Variants in LHFPL3 observed in about 807,000 individuals in gnomAD.
LHFPL3 encodes the protein LHFPL tetraspan subfamily member 3.
A neutral mutation model predicts 19.3 loss-of-function variants in LHFPL3; 5 were observed. That is an observed-to-expected ratio of 0.26 (90% CI 0.14 to 0.54). LHFPL3 has a LOEUF of 0.54. LHFPL3 is among the 20% of genes least tolerant of loss of function. The probability of loss-of-function intolerance (pLI) is 0.94; values close to 1 mark genes in which losing one functional copy is unlikely to be tolerated. For missense variants in LHFPL3, 249 were observed against 307.4 expected, an observed-to-expected ratio of 0.81 and a Z score of 1.42; for synonymous variants, 133 against 126.2, an observed-to-expected ratio of 1.05 and a Z score of -0.36.
chr7:104,412,500 A>C (rs1471311449), intron 1 of LHFPL3, among the ~76,000 whole-genome samples: 1 of 152,010 alleles, frequency 6.6e-6, no homozygotes, highest in African/African-American at 2.4e-5. Context: ...GTGAAATCAT[A>C]CTCACACATT....
chr7:104,493,324 G>A (rs1030671808), intron 1 of LHFPL3, among the ~76,000 whole-genome samples: 1 of 151,586 alleles, frequency 6.6e-6, no homozygotes, highest in African/African-American at 2.4e-5. Context: ...GGAGTAGGGA[G>A]TATTTTGATC....
chr7:104,377,556 G>A (rs1219551986), intron 1 of LHFPL3, among the ~76,000 whole-genome samples: 2 of 152,198 alleles, frequency 1.3e-5, no homozygotes, highest in African/African-American at 4.8e-5. Flanking sequence ...AAATGACAGA[G>A]TCTTTTGCTT....
Position 104,646,089 on chromosome 7 carries a change from C to T in LHFPL3, c.446-90586C>T, listed in dbSNP as rs74953245. Among the ~76,000 whole-genome samples, 672 of 152,280 alleles carry T rather than the reference C, an allele frequency of 4.4e-3. 39 individuals are homozygous for T. The East Asian group carries it at 0.11, about 25-fold the overall frequency. The stretch of plus-strand genomic sequence containing the variant: ...GACTAGGTTTTACTCTAGACACCAC[C>T]TCTTACTTACCAAATAACCAAGAAC... On this transcript the variant is annotated intron_variant, in intron 1 of 2. Coordinates refer to ENST00000424859, the MANE Select transcript of LHFPL3 (RefSeq NM_199000.3).
At chr7:104,404,358 C>A (rs754850849) in intron 1 of LHFPL3, among the ~76,000 whole-genome samples, 5 of 152,114 alleles carry the variant, frequency 3.3e-5, no homozygotes, top group Non-Finnish European at 7.4e-5. Context: ...AATTAAATGT[C>A]TTTGGAGTTA....
chr7:104,436,849 TTAAG>T (rs1333146055), intron 1 of LHFPL3, among the ~76,000 whole-genome samples: 1 of 152,236 alleles, frequency 6.6e-6, no homozygotes, highest in Non-Finnish European at 1.5e-5. Context: ...AATATTTGTA[TTAAG>T]TGATTCCTAC....
At chr7:104,821,943 A>G (rs552180895) in intron 2 of LHFPL3, among the ~76,000 whole-genome samples, 3 of 152,368 alleles carry the variant, frequency 2.0e-5, no homozygotes, top group East Asian at 1.9e-4. Flanking sequence ...CATGGAGATA[A>G]TAACAGGCCG....
chr7:104,726,962 G>GT (rs981305375), intron 1 of LHFPL3, among the ~76,000 whole-genome samples: 1 of 152,158 alleles, frequency 6.6e-6, no homozygotes, highest in African/African-American at 2.4e-5. Context: ...GTGTAAAAGT[G>GT]TTCCTATTTC....
At chr7:104,418,455 C>G (rs958128784) in intron 1 of LHFPL3, among the ~76,000 whole-genome samples, 11 of 152,042 alleles carry the variant, frequency 7.2e-5, no homozygotes, top group Non-Finnish European at 2.9e-5. Context: ...ACACTTGAGC[C>G]CAGGAGTTTG....
chr7:104,465,215 T>A (rs1027419607), intron 1 of LHFPL3, among the ~76,000 whole-genome samples: 71 of 151,978 alleles, frequency 4.7e-4, no homozygotes, highest in African/African-American at 1.7e-3. Flanking sequence ...TGGACTTCAT[T>A]GTCCATATCA....
chr7:104,594,445 C>T (rs1790796571), intron 1 of LHFPL3, among the ~76,000 whole-genome samples: 1 of 152,204 alleles, frequency 6.6e-6, no homozygotes, highest in Non-Finnish European at 1.5e-5. Context: ...GGTAACTCAA[C>T]CTTTCTCTCT....
At chr7:104,665,535 C>A (rs538570543) in intron 1 of LHFPL3, among the ~76,000 whole-genome samples, 57 of 152,266 alleles carry the variant, frequency 3.7e-4, no homozygotes, top group African/African-American at 1.3e-3. Flanking sequence ...GTGCATAACG[C>A]CGGCTTTGTG....
At chr7:104,871,507 A>G (rs576856634) in intron 2 of LHFPL3, among the ~76,000 whole-genome samples, 22 of 152,228 alleles carry the variant, frequency 1.4e-4, no homozygotes, top group African/African-American at 5.3e-4. Context: ...GGCTACACTA[A>G]ATTTATTTTT....
chr7:104,436,151 A>C (rs1792100381), intron 1 of LHFPL3, among the ~76,000 whole-genome samples: 1 of 152,154 alleles, frequency 6.6e-6, no homozygotes, highest in Non-Finnish European at 1.5e-5. Context: ...AAAGGATAAT[A>C]TTTTGGAGAT....
intron 2 of LHFPL3, among the ~76,000 whole-genome samples, chr7:104,767,176 G>C (rs1324443110): frequency 6.6e-6 from 1 of 152,234 alleles, no homozygotes; most frequent in Non-Finnish European, 1.5e-5. Flanking sequence ...TCTGTAGTCT[G>C]CTAGGTTAGT....
chr7:104,492,454 C>G (rs1470093191), intron 1 of LHFPL3, among the ~76,000 whole-genome samples: 1 of 152,172 alleles, frequency 6.6e-6, no homozygotes, highest in Non-Finnish European at 1.5e-5. Flanking sequence ...GACCCGGGAC[C>G]ATGTTGCATT....
At chr7:104,813,017 G>A (rs1417123588) in intron 2 of LHFPL3, among the ~76,000 whole-genome samples, 1 of 152,036 alleles carries the variant, frequency 6.6e-6, no homozygotes, top group Non-Finnish European at 1.5e-5. Context: ...GGGGGGCTGA[G>A]GCAGGAGAAT....
chr7:104,456,888 T>G (rs1296047447), intron 1 of LHFPL3, among the ~76,000 whole-genome samples: 1 of 152,216 alleles, frequency 6.6e-6, no homozygotes, highest in Non-Finnish European at 1.5e-5. Flanking sequence ...TTAAAACTTA[T>G]GAATTGTTTA....
Position 104,546,909 on chromosome 7 carries a change from G to A in LHFPL3, c.446-189766G>A, listed in dbSNP as rs138020742. 2.8e-3 allele frequency among the ~76,000 whole-genome samples: 427 copies of A among 152,288 alleles called. 1 individual carries two copies. Among genetic ancestry groups the A allele is most frequent in the African/African-American group, 8.9e-3 (370 of 41,566 alleles). On this transcript the variant is annotated intron_variant, in intron 1 of 2. Coordinates refer to ENST00000424859, the MANE Select transcript of LHFPL3 (RefSeq NM_199000.3). ...AATGGGATTTAGGAGAAAATGTAAGGTTTCTAGCACAAATGTTAACAAGCT... is the reference window on the plus strand; with the variant it reads ...AATGGGATTTAGGAGAAAATGTAAGATTTCTAGCACAAATGTTAACAAGCT...
At chr7:104,898,006 C>CTT (rs71155536) in intron 2 of LHFPL3, among the ~76,000 whole-genome samples, 10 of 96,804 alleles carry the variant, frequency 1.0e-4, no homozygotes, top group Non-Finnish European at 1.4e-4. Context: ...AATGTCACCC[C>CTT]TTTTTTTTTT....
Sources: allele counts gnomAD v4.1 joint callset (sites outside exome capture counted in the v4.1 genomes callset), GRCh38; gene constraint gnomAD v4.1.1; transcripts MANE v1.5; gene names NCBI Gene and HGNC (gene_info 2026-07-23, HGNC 2026-07-21).